Variants in ABCA10 observed in about 807,000 individuals in gnomAD.
ABCA10 encodes the protein ATP-binding cassette sub-family A member 10.
A neutral mutation model predicts 187.5 loss-of-function variants in ABCA10; 169 were observed. The observed-to-expected ratio is 0.90, with a 90% CI of 0.80 to 1.02. ABCA10 has a LOEUF of 1.02. Among genes scored for constraint, ABCA10 ranks in the 50% least tolerant of loss-of-function variants. ABCA10 has a pLI of 0.00. For missense variants in ABCA10, 1,727 were observed against 1,812.4 expected (o/e 0.95, Z 0.86); for synonymous variants, 574 against 601.8 (o/e 0.95, Z 0.68).
In ABCA10 at chr17:69,227,136, G is replaced by A. The variant is rs1049056290; in HGVS notation, c.-172+9C>T. On this transcript the variant is annotated intron_variant, in intron 2 of 38. Transcript: ENST00000690296. ...ATGGATATATATATATATATATAGT[G>A]AATCATACCAATAAACTCTCTTTTT... is the stretch of plus-strand genomic sequence containing the variant. The A allele has an allele frequency of 1.2e-5, 1 of 80,906 alleles. No individual in the cohort carries two copies. The highest frequency in any genetic ancestry group is 3.3e-5 in the Non-Finnish European group (1 of 30,132). The allele number at this position is 80,906 out of a possible 1,614,324, so 5.0% of individuals were successfully genotyped here.
In ABCA10 at chr17:69,221,891, G is replaced by A. The variant is rs2074750891; in HGVS notation, c.204C>T (p.His68=). Residue 68 remains histidine, a synonymous_variant, in exon 5 of 39, where the codon CAC becomes CAT. Coordinates refer to ENST00000690296, the MANE Select transcript of ABCA10 (RefSeq NM_001377321.1). Reference sequence around the variant, plus strand: ...AAATTTCACCATGCATGGCCCAACAGTGTTCTTTAAGGAAGAAGAAAAACA... The same window carrying A: ...AAATTTCACCATGCATGGCCCAACAATGTTCTTTAAGGAAGAAGAAAAACA... ...VIKEHSEYTE[H]CWAMHGEIFC... 6.2e-7 allele frequency: 1 copy of A among 1,608,434 alleles called. No individual in the cohort carries two copies. Among genetic ancestry groups the A allele is most frequent in the Non-Finnish European group, 8.5e-7 (1 of 1,177,388 alleles).
chr17:69,179,817 T>C (rs569273622), intron 22 of ABCA10, among the ~76,000 whole-genome samples: 82 of 152,294 alleles, frequency 5.4e-4, no homozygotes, highest in African/African-American at 1.9e-3. Flanking sequence ...CCTCCAGAGC[T>C]GGCTCATGCT....
chr17:69,151,461 G>GT (rs2074127678), intron 36 of ABCA10, among the ~76,000 whole-genome samples: 1 of 152,072 alleles, frequency 6.6e-6, no homozygotes, highest in Non-Finnish European at 1.5e-5. Flanking sequence ...AAATAAATGA[G>GT]TAGAAATGGT....
At chr17:69,217,799 A>G (rs2074717437) in intron 6 of ABCA10, among the ~76,000 whole-genome samples, 1 of 152,194 alleles carries the variant, frequency 6.6e-6, no homozygotes, top group Non-Finnish European at 1.5e-5. Context: ...ATAAAAATTT[A>G]AAGACCAAAA....
At chr17:69,163,759 A>C (rs1598090332) in intron 27 of ABCA10, among the ~76,000 whole-genome samples, 1 of 152,178 alleles carries the variant, frequency 6.6e-6, no homozygotes, top group African/African-American at 2.4e-5. Context: ...GTTGTTATTA[A>C]CACATATTTA....
rs746569759 is a variant in ABCA10 at position 69,179,209 on chromosome 17, C to CAA, written c.2769+2942_2769+2943dup. Among the ~76,000 whole-genome samples, 532 of 134,252 alleles carry CAA rather than the reference C, an allele frequency of 4.0e-3. 8 individuals carry two copies. The highest frequency in any genetic ancestry group is 0.012 in the African/African-American group (461 of 39,070). The allele number at this position is 134,252 out of a possible 152,430, so 88.1% of individuals were successfully genotyped here. ...AAAAAAAACAAAAAAACAAAACAAA[C>CAA]AAAAAAAAAACCTCTATCTGAACCT... On this transcript the variant is annotated intron_variant, in intron 22 of 38. Transcript: ENST00000690296.
In ABCA10 at chr17:69,192,543, A is replaced by C. The variant is rs1393484042; in HGVS notation, c.1871+20T>G. 1 of 1,577,942 alleles carries C rather than the reference A, an allele frequency of 6.3e-7. No individual in the cohort carries two copies. Among genetic ancestry groups the C allele is most frequent in the Admixed American group, 1.7e-5 (1 of 57,678 alleles). ...ATATTAATATGCTCATTTAAAAATA[A>C]CTACACCTAGAATACATACCTTAAA... On this transcript the variant is annotated intron_variant, in intron 16 of 38. Coordinates refer to ENST00000690296, the MANE Select transcript of ABCA10 (RefSeq NM_001377321.1).
chr17:69,200,765 G>A (rs1356705761), intron 10 of ABCA10, among the ~76,000 whole-genome samples: 1 of 152,190 alleles, frequency 6.6e-6, no homozygotes, highest in African/African-American at 2.4e-5. Flanking sequence ...AGGCTGGAGT[G>A]CAAGTGGCGC....
At chr17:69,210,832 C>A (rs2074639164) in intron 9 of ABCA10, among the ~76,000 whole-genome samples, 1 of 126,648 alleles carries the variant, frequency 7.9e-6, no homozygotes, top group African/African-American at 4.3e-5. Flanking sequence ...ATATATATGC[C>A]ACATATTTAT....
At chr17:69,221,140 G>A (rs2074744491) in intron 5 of ABCA10, among the ~76,000 whole-genome samples, 1 of 152,184 alleles carries the variant, frequency 6.6e-6, no homozygotes, top group Admixed American at 6.6e-5. Context: ...CAAGAAGACT[G>A]AGAGGGAAAG....
intron 23 of ABCA10, 143 bp from the exon 24 acceptor site, chr17:69,174,920 A>G (rs1176975863): frequency 1.2e-5 from 8 of 651,400 alleles, no homozygotes; most frequent in Admixed American, 7.4e-5. Flanking sequence ...AAAATCTAGC[A>G]TCTCCAATGG....
chr17:69,183,546 C>A (rs1017336334), intron 20 of ABCA10, among the ~76,000 whole-genome samples: 2 of 152,102 alleles, frequency 1.3e-5, no homozygotes, highest in African/African-American at 4.8e-5. Flanking sequence ...TGAGTGCCCT[C>A]GGTGTGAAAG....
chr17:69,168,042 A>C (rs777179351), intron 25 of ABCA10, among the ~76,000 whole-genome samples: 7 of 152,164 alleles, frequency 4.6e-5, no homozygotes, highest in Non-Finnish European at 8.8e-5. Context: ...ACAAGAATGA[A>C]GACCAAGAAT....
In ABCA10 at chr17:69,227,130, T is replaced by TATATATATATATAG. The variant is rs1598128169; in HGVS notation, c.-172+14_-172+15insCTATATATATATAT. The TATATATATATATAG allele has an allele frequency of 6.7e-6, 1 of 149,648 alleles. No homozygotes were observed. Among genetic ancestry groups the TATATATATATATAG allele is most frequent in the East Asian group, 1.9e-4 (1 of 5,144 alleles). 9.3% of individuals were successfully genotyped at this position (149,648 alleles called of 1,614,324 possible). A position where few individuals can be genotyped will look rare whatever the true frequency, so the allele number is the denominator to read the frequency against. On this transcript the variant is annotated intron_variant, in intron 2 of 38. Coordinates refer to ENST00000690296, the MANE Select transcript of ABCA10 (RefSeq NM_001377321.1). ...TTAATTATGGATATATATATATATA[T>TATATATATATATAG]ATAGTGAATCATACCAATAAACTCT...
chr17:69,211,322 T>G (rs1259733857), intron 9 of ABCA10, among the ~76,000 whole-genome samples: 37 of 8,864 alleles, frequency 4.2e-3, no homozygotes, highest in African/African-American at 0.017. Flanking sequence ...ATGATATATA[T>G]ATATATATAT....
chr17:69,214,565 T>A, intron 9 of ABCA10, 139 bp downstream of exon 9: 1 of 719,384 alleles, frequency 1.4e-6, no homozygotes. Context: ...AAAATGGAAA[T>A]GAGGAAATTC....
At chr17:69,224,454 C>T (rs558938708) in intron 3 of ABCA10, among the ~76,000 whole-genome samples, 1 of 152,206 alleles carries the variant, frequency 6.6e-6, no homozygotes, top group South Asian at 2.1e-4. Flanking sequence ...GATACTTTCC[C>T]TATGCAGGAG....
intron 7 of ABCA10, 28 bp from the exon 8 acceptor site, chr17:69,216,028 A>G (rs373543318): frequency 1.6e-5 from 25 of 1,586,360 alleles, no homozygotes; most frequent in Admixed American, 4.0e-5. Context: ...TCTGATTGGT[A>G]TATTTTTCCT....
intron 19 of ABCA10, among the ~76,000 whole-genome samples, chr17:69,186,060 A>C (rs756408766): frequency 2.0e-5 from 3 of 152,194 alleles, no homozygotes; most frequent in Admixed American, 6.5e-5. Context: ...AACTTTCTTC[A>C]ATTGTTAGTT....
Sources: gnomAD v4.1 joint callset for allele counts (sites outside exome capture counted in the v4.1 genomes callset) on GRCh38, gnomAD v4.1.1 for gene constraint, MANE v1.5 for transcripts, NCBI Gene and HGNC (gene_info 2026-07-23, HGNC 2026-07-21) for gene names.